Variants in PLXNC1 observed in about 807,000 individuals in gnomAD.
PLXNC1 encodes the protein plexin-C1.
PLXNC1 carries 75 observed loss-of-function variants against 178.2 expected under a neutral mutation model. The observed-to-expected ratio is 0.42, with a 90% confidence interval of 0.35 to 0.51. The LOEUF (loss-of-function observed/expected upper bound fraction) is 0.51. PLXNC1 is among the 20% of genes least tolerant of loss of function. PLXNC1 has a pLI of 0.02. For synonymous variants in PLXNC1, 790 were observed against 779.9 expected (o/e 1.01, Z -0.22); for missense variants, 1,503 against 1,984.4 (o/e 0.76, Z 4.61).
intron 1 of PLXNC1, among the ~76,000 whole-genome samples, chr12:94,162,893 G>T (rs1280266003): frequency 1.3e-5 from 2 of 152,192 alleles, no homozygotes; most frequent in African/African-American, 2.4e-5. Flanking sequence ...GTTGAGAAAT[G>T]TTGGGGAGAG....
chr12:94,149,346 C>T lies in PLXNC1; in HGVS notation c.375C>T (p.Thr125=), dbSNP rs908259072. The change falls in exon 1 of 31, where the codon ACC becomes ACT. Residue 125 remains threonine (T), a synonymous_variant. Coordinates refer to ENST00000258526, the MANE Select transcript of PLXNC1 (RefSeq NM_005761.3). ...CCGGCCTCGGGGGGCTGCTGCTCAC[C>T]GGCTGGACCTTCGACCGGGGCGCCT... ...GAAGLGGLLL[T]GWTFDRGACE... The T allele has an allele frequency of 4.9e-6, 7 of 1,435,614 alleles. No homozygotes were observed. Among genetic ancestry groups the T allele is most frequent in the Admixed American group, 5.9e-5 (2 of 34,160 alleles). The allele number at this position is 1,435,614 out of a possible 1,614,324, so 88.9% of individuals were successfully genotyped here. A position where few individuals can be genotyped will look rare whatever the true frequency, so the allele number is the denominator to read the frequency against.
intron 4 of PLXNC1, among the ~76,000 whole-genome samples, chr12:94,195,329 G>A (rs113406573): frequency 3.3e-5 from 5 of 152,156 alleles, no homozygotes; most frequent in South Asian, 2.1e-4. Flanking sequence ...GTCACATCTC[G>A]TCCTGAGTCA....
intron 2 of PLXNC1, among the ~76,000 whole-genome samples, chr12:94,172,175 G>A (rs760823930): frequency 1.3e-5 from 2 of 152,176 alleles, no homozygotes; most frequent in Non-Finnish European, 2.9e-5. Context: ...GGGAACTAAT[G>A]AGCGGCAAAA....
intron 1 of PLXNC1, among the ~76,000 whole-genome samples, chr12:94,152,965 C>T (rs1315143320): frequency 6.6e-6 from 1 of 152,232 alleles, no homozygotes; most frequent in Admixed American, 6.5e-5. Context: ...AATCCACTTT[C>T]ATAACTGTAG....
chr12:94,263,300 G>A (rs894479384), intron 20 of PLXNC1, among the ~76,000 whole-genome samples: 13 of 152,142 alleles, frequency 8.5e-5, no homozygotes, highest in African/African-American at 3.1e-4. Context: ...GTGGAGCTCA[G>A]GCATCTGAAT....
chr12:94,299,602 C>G (rs1565873574), intron 27 of PLXNC1, among the ~76,000 whole-genome samples: 1 of 152,122 alleles, frequency 6.6e-6, no homozygotes. Context: ...TCTTGTTGCC[C>G]AGGCTGCAGT....
At chr12:94,184,005 G>T (rs11107432) in intron 3 of PLXNC1, among the ~76,000 whole-genome samples, 40,759 of 152,126 alleles carry the variant, frequency 0.27, 5,796 homozygotes, top group African/African-American at 0.35. Context: ...GGTATGATAC[G>T]GGGCCGCTAA....
intron 20 of PLXNC1, among the ~76,000 whole-genome samples, chr12:94,261,523 G>T (rs1221783321): frequency 6.6e-6 from 1 of 152,184 alleles, no homozygotes; most frequent in Non-Finnish European, 1.5e-5. Flanking sequence ...GAAAACATAG[G>T]CAATTGCTTA....
At chr12:94,151,218 T>C (rs1029225953) in intron 1 of PLXNC1, among the ~76,000 whole-genome samples, 2 of 152,170 alleles carry the variant, frequency 1.3e-5, no homozygotes, top group African/African-American at 2.4e-5. Context: ...CAGGGGCACG[T>C]TGGCTCCCAG....
chr12:94,176,062 ATCCTGGAAGAT>A (rs1962038450), intron 2 of PLXNC1, among the ~76,000 whole-genome samples: 1 of 152,236 alleles, frequency 6.6e-6, no homozygotes, highest in Admixed American at 6.5e-5. Flanking sequence ...TTAAGGTCGT[ATCCTGGAAGAT>A]AAAAATCCAC....
chr12:94,180,599 G>A (rs1962269867), intron 2 of PLXNC1, among the ~76,000 whole-genome samples: 1 of 152,178 alleles, frequency 6.6e-6, no homozygotes, highest in Non-Finnish European at 1.5e-5. Flanking sequence ...GTTGACTGAA[G>A]ATGGATGAAG....
At chr12:94,195,394 A>AC (rs766602216) in intron 4 of PLXNC1, among the ~76,000 whole-genome samples, 32 of 151,994 alleles carry the variant, frequency 2.1e-4, no homozygotes, top group Non-Finnish European at 4.3e-4. Context: ...GAGAGGTAGT[A>AC]CGTCTCCCAG....
At chr12:94,254,510 T>G (rs1413215694) in intron 15 of PLXNC1, 8 of 579,350 alleles carry the variant, frequency 1.4e-5, no homozygotes, top group Non-Finnish European at 2.6e-5. Flanking sequence ...CAAGTGAAGG[T>G]TATTTGATTT....
At chr12:94,240,216 C>T (rs2136051112) in intron 10 of PLXNC1, among the ~76,000 whole-genome samples, 1 of 152,300 alleles carries the variant, frequency 6.6e-6, no homozygotes, top group East Asian at 1.9e-4. Flanking sequence ...ATTAGTACTT[C>T]TTCAGGGCAA....
intron 6 of PLXNC1, among the ~76,000 whole-genome samples, chr12:94,223,749 G>A (rs759688032): frequency 3.3e-5 from 5 of 152,150 alleles, no homozygotes; most frequent in African/African-American, 2.4e-5. Context: ...CAAGAAGATC[G>A]TGGAACCCAG....
intron 21 of PLXNC1, among the ~76,000 whole-genome samples, chr12:94,275,293 G>A (rs916358330): frequency 1.3e-5 from 2 of 152,244 alleles, no homozygotes; most frequent in African/African-American, 4.8e-5. Flanking sequence ...TGACATCCCA[G>A]CCCTAATACT....
chr12:94,275,038 T>C (rs2136117183), intron 21 of PLXNC1, among the ~76,000 whole-genome samples: 1 of 152,316 alleles, frequency 6.6e-6, no homozygotes, highest in East Asian at 1.9e-4. Flanking sequence ...CTCAGCGAAG[T>C]TAGACGACTT....
intron 4 of PLXNC1, among the ~76,000 whole-genome samples, chr12:94,187,373 G>C (rs1267213410): frequency 2.0e-5 from 3 of 152,156 alleles, no homozygotes; most frequent in Non-Finnish European, 4.4e-5. Flanking sequence ...CAAGAGAAAT[G>C]AAGGGAGAGG....
intron 1 of PLXNC1, 44 bp downstream of exon 1, chr12:94,150,077 G>C (rs1336244365): frequency 2.7e-6 from 4 of 1,456,770 alleles, no homozygotes; most frequent in African/African-American, 2.9e-5. Context: ...CTGCTGCCGG[G>C]GAGCCGCCGC....
Sources: allele counts gnomAD v4.1 joint callset (sites outside exome capture counted in the v4.1 genomes callset), GRCh38; gene constraint gnomAD v4.1.1; transcripts MANE v1.5; gene names NCBI Gene and HGNC (gene_info 2026-07-23, HGNC 2026-07-21).